The following CLVS2 variants were observed in gnomAD, a reference collection of about 807,000 sequenced individuals.
CLVS2 encodes clavesin-2.
Under a neutral mutation model 29.0 loss-of-function variants are expected in CLVS2, and 19 were observed. The ratio of observed to expected loss-of-function variants is 0.66; its 90% CI spans 0.46 to 0.96. The LOEUF (loss-of-function observed/expected upper bound fraction) is 0.96, where lower values mean the gene tolerates loss of function less well. CLVS2 is among the 40% of genes least tolerant of loss of function. The pLI, the probability that CLVS2 is intolerant of heterozygous loss-of-function variation, is 0.00. For missense variants in CLVS2, 294 were observed against 404.1 expected (o/e 0.73, Z 2.34); for synonymous variants, 161 against 151.3 (o/e 1.06, Z -0.47).
At position 123,003,835 on chromosome 6, in the gene CLVS2, T is replaced by A. The variant is rs139598472; in HGVS notation, c.389+5669T>A. Among the ~76,000 whole-genome samples the A allele has an allele frequency of 1.9e-3, 292 of 152,334 alleles. 1 individual carries two copies. The highest frequency in any genetic ancestry group is 6.9e-3 in the African/African-American group (286 of 41,590). ...GAAAGACATTGCCTGCTTGGTTAAC[T>A]GAATTCAACATTTATTGTTCCATTT... On this transcript the variant is annotated intron_variant, in intron 2 of 5. Transcript: ENST00000275162.
intron 3 of CLVS2, among the ~76,000 whole-genome samples, chr6:123,042,791 TG>T (rs1775251542): frequency 6.6e-6 from 1 of 152,168 alleles, no homozygotes; most frequent in Non-Finnish European, 1.5e-5. Flanking sequence ...GATTTGGAAC[TG>T]GGAAAAGCAT....
Position 123,063,982 on chromosome 6 carries a change from G to A in CLVS2, c.*221G>A, listed in dbSNP as rs941250342. 3.6e-5 allele frequency: 14 copies of A among 388,660 alleles called. No homozygotes were observed. The highest frequency in any genetic ancestry group is 6.0e-5 in the Non-Finnish European group (13 of 216,076). 24.1% of individuals were successfully genotyped at this position (388,660 alleles called of 1,614,324 possible). ...TTATTCTGTAAGTGCCAAGTTGTTT[G>A]TAAATATAATGTAATCTTCATGTCA... On this transcript the variant is annotated 3_prime_UTR_variant, in exon 6 of 6. Transcript: ENST00000275162.
intron 3 of CLVS2, among the ~76,000 whole-genome samples, chr6:123,014,728 C>T (rs1455210066): frequency 3.3e-5 from 5 of 152,180 alleles, no homozygotes; most frequent in Non-Finnish European, 7.4e-5. Context: ...TCAGTGACTA[C>T]ATAAACTGTG....
rs1387790230 is a variant in CLVS2, at chr6:123,069,086, T to C, written c.*5325T>C. ...TATGTGTGGGGATCAAAGAGGAAAATATATAGTAATTTGTTTCATCAAAAT... is the reference window on the plus strand; with the variant it reads ...TATGTGTGGGGATCAAAGAGGAAAACATATAGTAATTTGTTTCATCAAAAT... On this transcript the variant is annotated 3_prime_UTR_variant, in exon 6 of 6. Coordinates refer to ENST00000275162, the MANE Select transcript of CLVS2 (RefSeq NM_001010852.4). The C allele has an allele frequency of 2.6e-5, 4 of 151,710 alleles. No individual in the cohort carries two copies. The highest frequency in any genetic ancestry group is 5.9e-5 in the Non-Finnish European group (4 of 67,806). 9.4% of individuals were successfully genotyped at this position (151,710 alleles called of 1,614,324 possible).
chr6:123,049,340 T>G (rs1003303389), intron 4 of CLVS2, among the ~76,000 whole-genome samples: 1 of 152,244 alleles, frequency 6.6e-6, no homozygotes, highest in Non-Finnish European at 1.5e-5. Context: ...ATAATTTATG[T>G]AAAACATTTG....
At chr6:123,015,754 T>A (rs1309249617) in intron 3 of CLVS2, among the ~76,000 whole-genome samples, 1 of 152,088 alleles carries the variant, frequency 6.6e-6, no homozygotes, top group African/African-American at 2.4e-5. Flanking sequence ...CATGTTCTTT[T>A]CCCAGTGAGC....
intron 4 of CLVS2, among the ~76,000 whole-genome samples, chr6:123,055,094 G>A (rs1772673797): frequency 6.6e-6 from 1 of 152,000 alleles, no homozygotes; most frequent in African/African-American, 2.4e-5. Context: ...AAATGATTAA[G>A]GTATGCATAC....
At chr6:123,035,644 A>G (rs765204923) in intron 3 of CLVS2, among the ~76,000 whole-genome samples, 3 of 152,110 alleles carry the variant, frequency 2.0e-5, no homozygotes, top group Non-Finnish European at 4.4e-5. Context: ...TGGCAGTCAG[A>G]TTCTCATGTT....
intron 2 of CLVS2, among the ~76,000 whole-genome samples, chr6:123,001,988 C>A (rs1774595073): frequency 6.6e-6 from 1 of 152,164 alleles, no homozygotes; most frequent in Non-Finnish European, 1.5e-5. Flanking sequence ...TTCTCTAGAT[C>A]TCATTAGAAG....
At chr6:123,060,099 C>T (rs999986654) in intron 5 of CLVS2, among the ~76,000 whole-genome samples, 1 of 152,246 alleles carries the variant, frequency 6.6e-6, no homozygotes, top group Admixed American at 6.5e-5. Flanking sequence ...ATGTTCCACA[C>T]TGATTCCCCT....
rs1166027175 is a variant in CLVS2, at chr6:122,997,246, CGCTGAAGAGCTACCTTATT to C, written c.-531_-513del. The C allele has an allele frequency of 5.9e-6, 1 of 168,400 alleles. No homozygotes were observed. The highest frequency in any genetic ancestry group is 1.4e-5 in the Non-Finnish European group (1 of 69,184). The allele number at this position is 168,400 out of a possible 1,614,324, so 10.4% of individuals were successfully genotyped here. On this transcript the variant is annotated 5_prime_UTR_variant, in exon 2 of 6. An upstream open reading frame in the 5' UTR gains an earlier in-frame stop. Transcript: ENST00000275162. ...GATCTCTCTCCGCCCTGGAGCTCAG[CGCTGAAGAGCTACCTTATT>C]ATTAATCAGAATTTCCATCGCCACC...
chr6:123,042,744 G>T lies in CLVS2; in HGVS notation c.565-5878G>T, dbSNP rs939947578. 5.3e-5 allele frequency among the ~76,000 whole-genome samples: 8 copies of T among 152,152 alleles called. No individual in the cohort carries two copies. In the East Asian group the frequency reaches 1.3e-3, roughly 26 times the overall value. On this transcript the variant is annotated intron_variant, in intron 3 of 5. Coordinates refer to ENST00000275162, the MANE Select transcript of CLVS2 (RefSeq NM_001010852.4). ...CGTCAGGAAGGCAAGTGAATGGCTT[G>T]CCTGGATCTGTCTGTCCACTAGTGA...
chr6:123,063,542 C>T (rs1451344479), intron 5 of CLVS2, 132 bp from the exon 6 acceptor site: 4 of 590,392 alleles, frequency 6.8e-6, no homozygotes, highest in Non-Finnish European at 1.2e-5. Context: ...GCAACATCCA[C>T]AATTCATAAA....
intron 3 of CLVS2, among the ~76,000 whole-genome samples, chr6:123,026,758 G>A (rs1336579502): frequency 6.6e-6 from 1 of 152,070 alleles, no homozygotes; most frequent in Non-Finnish European, 1.5e-5. Context: ...AAGGAAAGAA[G>A]TTGAATTCAG....
rs185451768 is a variant in CLVS2 at position 122,997,503 on chromosome 6, C to T, written c.-275C>T. ...TGCGGAGCCCTTCAGGGGTTCACAT[C>T]TCTTTAAAGGAAAGGAAAGAGGGAG... On this transcript the variant is annotated 5_prime_UTR_variant, in exon 2 of 6. Transcript: ENST00000275162. 18 of 486,596 alleles carry T rather than the reference C, an allele frequency of 3.7e-5. No homozygotes were observed. The East Asian group carries it at 6.6e-4, about 18-fold the overall frequency. 30.1% of individuals were successfully genotyped at this position (486,596 alleles called of 1,614,324 possible).
intron 3 of CLVS2, among the ~76,000 whole-genome samples, chr6:123,016,484 C>T (rs1366201189): frequency 1.3e-5 from 2 of 151,870 alleles, no homozygotes; most frequent in Non-Finnish European, 2.9e-5. Flanking sequence ...CCCTGCTGCC[C>T]TTGAGACATA....
Position 122,997,457 on chromosome 6 carries a change from G to C in CLVS2, c.-321G>C, listed in dbSNP as rs917305852. 3.6e-5 allele frequency: 12 copies of C among 332,522 alleles called. No individual in the cohort carries two copies. Among genetic ancestry groups the C allele is most frequent in the African/African-American group, 2.5e-4 (12 of 47,434 alleles). The allele number at this position is 332,522 out of a possible 1,614,324, so 20.6% of individuals were successfully genotyped here. On this transcript the variant is annotated 5_prime_UTR_variant, in exon 2 of 6. Coordinates refer to ENST00000275162, the MANE Select transcript of CLVS2 (RefSeq NM_001010852.4). ...GAATTAGGGGTGATTTGTTAGGAAA[G>C]AGAAAGGACAAGAAGAGGAGTGCGG...
At chr6:123,055,089 AT>A (rs1011693497) in intron 4 of CLVS2, among the ~76,000 whole-genome samples, 35 of 152,280 alleles carry the variant, frequency 2.3e-4, no homozygotes, top group African/African-American at 8.2e-4. Context: ...AGACAAAATG[AT>A]TAAGGTATGC....
chr6:123,035,259 T>C (rs1335282929), intron 3 of CLVS2, among the ~76,000 whole-genome samples: 1 of 152,018 alleles, frequency 6.6e-6, no homozygotes, highest in East Asian at 1.9e-4. Context: ...TTTTTTTTCA[T>C]GTGAGGATTT....
Sources: gnomAD v4.1 joint callset for allele counts (sites outside exome capture counted in the v4.1 genomes callset) on GRCh38, gnomAD v4.1.1 for gene constraint, MANE v1.5 for transcripts, NCBI Gene and HGNC (gene_info 2026-07-23, HGNC 2026-07-21) for gene names.